Variants in CSMD1 observed in about 807,000 individuals in gnomAD.
CSMD1 encodes the protein CUB and sushi domain-containing protein 1.
A neutral mutation model predicts 417.5 loss-of-function variants in CSMD1; 213 were observed. The ratio of observed to expected loss-of-function variants is 0.51; its 90% CI spans 0.46 to 0.57. The LOEUF is 0.57. Ranked by LOEUF, CSMD1 falls within the 20% of genes least tolerant of loss-of-function variation. The probability of loss-of-function intolerance (pLI) is 0.00; values close to 1 mark genes in which losing one functional copy is unlikely to be tolerated. For synonymous variants in CSMD1, 2,862 were observed against 1,736.8 expected (o/e 1.65, Z -16.11); for missense variants, 6,923 against 4,529.7 (o/e 1.53, Z -15.17).
At chr8:3,968,464 G>A (rs1315390651) in intron 5 of CSMD1, among the ~76,000 whole-genome samples, 1 of 152,088 alleles carries the variant, frequency 6.6e-6, no homozygotes, top group African/African-American at 2.4e-5. Flanking sequence ...TTCTCTTTAA[G>A]AATCTTTTTA....
At chr8:3,265,075 A>C (rs753763164) in intron 26 of CSMD1, among the ~76,000 whole-genome samples, 2 of 152,194 alleles carry the variant, frequency 1.3e-5, no homozygotes, top group Non-Finnish European at 2.9e-5. Context: ...TTCAACACAA[A>C]TCTGTTGAAT....
intron 2 of CSMD1, among the ~76,000 whole-genome samples, chr8:4,625,675 G>A (rs1286321670): frequency 6.6e-6 from 1 of 151,976 alleles, no homozygotes; most frequent in African/African-American, 2.4e-5. Flanking sequence ...CTAAACCTAA[G>A]CAAGCAAATA....
chr8:4,073,982 T>G (rs1159552862), intron 3 of CSMD1, among the ~76,000 whole-genome samples: 1 of 152,146 alleles, frequency 6.6e-6, no homozygotes, highest in Non-Finnish European at 1.5e-5. Flanking sequence ...TCTTTGTCAT[T>G]GGCTTTGGGA....
chr8:4,063,662 G>A (rs1362176589), intron 3 of CSMD1, among the ~76,000 whole-genome samples: 1 of 152,196 alleles, frequency 6.6e-6, no homozygotes, highest in Non-Finnish European at 1.5e-5. Flanking sequence ...TCCCTGAGGG[G>A]CATTCTACCA....
intron 3 of CSMD1, among the ~76,000 whole-genome samples, chr8:4,189,325 T>G (rs901779561): frequency 2.6e-5 from 4 of 152,196 alleles, no homozygotes; most frequent in Non-Finnish European, 4.4e-5. Flanking sequence ...TGAAGCCTGG[T>G]GCCAACTGTG....
chr8:4,079,837 G>A (rs1002622846), intron 3 of CSMD1, among the ~76,000 whole-genome samples: 1 of 152,142 alleles, frequency 6.6e-6, no homozygotes, highest in Non-Finnish European at 1.5e-5. Flanking sequence ...AGTAGCCAGG[G>A]ATAATGGAAT....
chr8:3,661,627 G>C (rs1041763787), intron 7 of CSMD1, among the ~76,000 whole-genome samples: 2 of 152,080 alleles, frequency 1.3e-5, no homozygotes, highest in South Asian at 2.1e-4. Context: ...CTCCCAAGTA[G>C]TTGGCATTAC....
At position 3,555,426 on chromosome 8, in the gene CSMD1, G is replaced by C. The variant is rs532089437; in HGVS notation, c.1344+19519C>G. ...AATCATCCCACCTGCTCTTCCTGATGAGGGCTGGTGGGGTCAGGTGGCCCT... is the reference window on the plus strand; with the variant it reads ...AATCATCCCACCTGCTCTTCCTGATCAGGGCTGGTGGGGTCAGGTGGCCCT... On this transcript the variant is annotated intron_variant, in intron 10 of 69. Coordinates refer to ENST00000635120, the MANE Select transcript of CSMD1 (RefSeq NM_033225.6). 1.8e-3 allele frequency among the ~76,000 whole-genome samples: 278 copies of C among 152,240 alleles called. 3 individuals carry two copies. Among genetic ancestry groups the C allele is most frequent in the African/African-American group, 6.5e-3 (271 of 41,566 alleles).
chr8:4,970,657 CT>C (rs1210629954), intron 1 of CSMD1, among the ~76,000 whole-genome samples: 1 of 152,014 alleles, frequency 6.6e-6, no homozygotes, highest in Non-Finnish European at 1.5e-5. Context: ...CATAAAAACA[CT>C]TAAATAAAAA....
chr8:2,996,464 G>A (rs574373550), intron 54 of CSMD1, among the ~76,000 whole-genome samples: 74 of 152,314 alleles, frequency 4.9e-4, no homozygotes, highest in African/African-American at 1.5e-3. Flanking sequence ...ACGCACACAC[G>A]ATTGTGAGGA....
intron 26 of CSMD1, among the ~76,000 whole-genome samples, chr8:3,260,991 C>A (rs9644334): frequency 0.22 from 32,890 of 150,966 alleles, 3,690 homozygotes; most frequent in South Asian, 0.29. Context: ...GGAAAAGGAA[C>A]AACAACAACA....
intron 3 of CSMD1, among the ~76,000 whole-genome samples, chr8:4,171,068 C>G (rs1446033357): frequency 6.6e-6 from 1 of 151,846 alleles, no homozygotes; most frequent in African/African-American, 2.4e-5. Context: ...GTCAGTGTTC[C>G]CCTCCACGGT....
intron 3 of CSMD1, among the ~76,000 whole-genome samples, chr8:4,068,299 C>CA (rs1421820891): frequency 6.6e-5 from 10 of 152,206 alleles, no homozygotes; most frequent in African/African-American, 2.4e-4. Flanking sequence ...AGCTGGAGGA[C>CA]AGTGTATTGC....
At chr8:3,447,594 G>T (rs557679847) in intron 12 of CSMD1, among the ~76,000 whole-genome samples, 4 of 152,208 alleles carry the variant, frequency 2.6e-5, no homozygotes, top group African/African-American at 9.6e-5. Flanking sequence ...GGTTCCGTAG[G>T]ATTAGCCCCT....
intron 5 of CSMD1, among the ~76,000 whole-genome samples, chr8:3,958,978 T>A (rs564550101): frequency 1.3e-5 from 2 of 152,334 alleles, no homozygotes; most frequent in African/African-American, 4.8e-5. Flanking sequence ...GAGCTCCCGG[T>A]CTGGGCCTTC....
Position 4,423,484 on chromosome 8 carries a change from A to G in CSMD1, c.303-3419T>C, listed in dbSNP as rs187714655. 1.3e-3 allele frequency among the ~76,000 whole-genome samples: 200 copies of G among 152,240 alleles called. 1 individual carries two copies. Among genetic ancestry groups the G allele is most frequent in the African/African-American group, 4.3e-3 (178 of 41,584 alleles). Reference sequence around the variant, plus strand: ...AGCTCAAAGAAAAGCTTCTGTATAAATACAATAAGATAAGCCCAACAGTGT... The same window carrying G: ...AGCTCAAAGAAAAGCTTCTGTATAAGTACAATAAGATAAGCCCAACAGTGT... On this transcript the variant is annotated intron_variant, in intron 2 of 69. Transcript: ENST00000635120.
intron 18 of CSMD1, among the ~76,000 whole-genome samples, chr8:3,378,123 G>C (rs919877114): frequency 8.5e-5 from 13 of 152,174 alleles, no homozygotes; most frequent in African/African-American, 2.4e-4. Context: ...AAGAAGAGAG[G>C]AAGACATTCA....
intron 4 of CSMD1, among the ~76,000 whole-genome samples, chr8:4,008,993 A>G (rs1267518263): frequency 1.3e-5 from 2 of 152,170 alleles, no homozygotes; most frequent in Non-Finnish European, 2.9e-5. Flanking sequence ...GTCAGTGGGT[A>G]GGTTTTGTGC....
At chr8:4,284,980 C>G (rs1378793004) in intron 3 of CSMD1, among the ~76,000 whole-genome samples, 6 of 152,186 alleles carry the variant, frequency 3.9e-5, no homozygotes, top group Non-Finnish European at 8.8e-5. Context: ...CTCGCCTCAC[C>G]ATGCCTCGGT....
Sources: allele counts gnomAD v4.1 joint callset (sites outside exome capture counted in the v4.1 genomes callset), GRCh38; gene constraint gnomAD v4.1.1; transcripts MANE v1.5; gene names NCBI Gene and HGNC (gene_info 2026-07-23, HGNC 2026-07-21).